Variants in KCNK2 observed in about 807,000 individuals in gnomAD.
The protein encoded by KCNK2 is potassium channel subfamily K member 2.
Under a neutral mutation model 40.5 loss-of-function variants are expected in KCNK2, and 21 were observed. The observed-to-expected ratio is 0.52, with a 90% CI of 0.37 to 0.75. The LOEUF (loss-of-function observed/expected upper bound fraction) is 0.75, where lower values mean the gene tolerates loss of function less well. KCNK2 is among the 30% of genes least tolerant of loss of function. The pLI is 0.00. For missense variants in KCNK2, 399 were observed against 531.6 expected, an observed-to-expected ratio of 0.75 and a Z score of 2.45; for synonymous variants, 191 against 202.2, an observed-to-expected ratio of 0.94 and a Z score of 0.47.
intron 3 of KCNK2, among the ~76,000 whole-genome samples, chr1:215,133,132 G>A (rs1250191284): frequency 6.6e-6 from 1 of 152,198 alleles, no homozygotes; most frequent in Non-Finnish European, 1.5e-5. Flanking sequence ...ATATTGGGTA[G>A]CAGCATCATA....
chr1:215,006,552 G>A (rs565133104), intron 1 of KCNK2, among the ~76,000 whole-genome samples: 3 of 152,106 alleles, frequency 2.0e-5, no homozygotes, highest in Non-Finnish European at 4.4e-5. Flanking sequence ...AAATTATTTA[G>A]ATGTCTCTAT....
In KCNK2 at chr1:215,030,490, G is replaced by A. The variant is rs192666555; in HGVS notation, c.34+24535G>A. On this transcript the variant is annotated intron_variant, in intron 1 of 6. Coordinates refer to the KCNK2 transcript ENST00000391895. ...AAAGTCATCACCAAAGCCACAGCCA[G>A]CCTGCTCAGTGTTTTAATGATAATA... is the stretch of plus-strand genomic sequence containing the variant. Among the ~76,000 whole-genome samples the A allele has an allele frequency of 4.5e-4, 69 of 151,950 alleles. No individual in the cohort carries two copies. In the East Asian group the frequency reaches 0.01, roughly 23 times the overall value.
rs76027383 is a variant in KCNK2, at chr1:215,223,873, T to C, written c.964-10955T>C. On this transcript the variant is annotated intron_variant, in intron 6 of 6. Transcript: ENST00000444842. ...AGCTCACAGGTAGTTGGGCAAAGTATGCTGGGTAAAAAAAAAACTGAAGCA... is the reference window on the plus strand; with the variant it reads ...AGCTCACAGGTAGTTGGGCAAAGTACGCTGGGTAAAAAAAAAACTGAAGCA... Among the ~76,000 whole-genome samples, 891 of 152,150 alleles carry C rather than the reference T, an allele frequency of 5.9e-3. 20 individuals carry two copies. In the South Asian group the frequency reaches 0.064, roughly 11 times the overall value.
At chr1:215,127,706 CTA>C (rs1661494650) in intron 3 of KCNK2, among the ~76,000 whole-genome samples, 2 of 152,170 alleles carry the variant, frequency 1.3e-5, no homozygotes, top group South Asian at 4.1e-4. Context: ...AATGCAAGCT[CTA>C]TGAAGTTAGG....
chr1:215,044,775 A>G (rs903666389), intron 1 of KCNK2, among the ~76,000 whole-genome samples: 1 of 150,272 alleles, frequency 6.7e-6, no homozygotes, highest in African/African-American at 2.5e-5. Flanking sequence ...TTCTATAACT[A>G]GGTACTTGGG....
intron 1 of KCNK2, among the ~76,000 whole-genome samples, chr1:215,077,276 C>G (rs527444385): frequency 2.8e-4 from 42 of 152,210 alleles, no homozygotes; most frequent in African/African-American, 1.0e-3. Context: ...GACATTTCAT[C>G]GAAGTACTGC....
intron 3 of KCNK2, among the ~76,000 whole-genome samples, chr1:215,162,955 T>A (rs1663272725): frequency 6.6e-6 from 1 of 152,128 alleles, no homozygotes; most frequent in Non-Finnish European, 1.5e-5. Flanking sequence ...TTTTTTCTAA[T>A]TCTGTGAAGA....
intron 1 of KCNK2, among the ~76,000 whole-genome samples, chr1:215,074,696 G>A (rs1347407980): frequency 3.3e-5 from 5 of 152,140 alleles, no homozygotes; most frequent in African/African-American, 1.2e-4. Context: ...TAATTGCTTT[G>A]CCTAGTATTG....
chr1:215,199,559 A>G (rs1343070180), intron 6 of KCNK2, among the ~76,000 whole-genome samples: 1 of 152,170 alleles, frequency 6.6e-6, no homozygotes, highest in Non-Finnish European at 1.5e-5. Context: ...TTTTCCATGG[A>G]AACATATGCA....
intron 2 of KCNK2, among the ~76,000 whole-genome samples, chr1:215,118,309 G>A (rs911606167): frequency 6.6e-6 from 1 of 152,128 alleles, no homozygotes; most frequent in Admixed American, 6.6e-5. Flanking sequence ...TTATTGATGG[G>A]TGATGATTAT....
At position 215,086,561 on chromosome 1, in the gene KCNK2, C is replaced by T. The variant is rs766127498; in HGVS notation, c.240C>T (p.Phe80=). ...ATCTGATCATCGGAGCCACCGTGTT[C>T]AAAGCATTGGAGCAGCCTCATGAGA... ...VLYLIIGATV[F]KALEQPHEIS... Residue 80 remains phenylalanine (F), a synonymous_variant, in exon 2 of 7, where the codon TTC becomes TTT. Coordinates refer to ENST00000444842, the MANE Select transcript of KCNK2 (RefSeq NM_001017425.3). 1.9e-6 allele frequency: 3 copies of T among 1,614,200 alleles called. No individual in the cohort carries two copies. The highest frequency in any genetic ancestry group is 2.5e-6 in the Non-Finnish European group (3 of 1,180,036).
intron 3 of KCNK2, among the ~76,000 whole-genome samples, chr1:215,142,667 A>G (rs757654134): frequency 5.9e-5 from 9 of 152,294 alleles, no homozygotes; most frequent in Admixed American, 2.6e-4. Flanking sequence ...GAGCAGGCTC[A>G]GTAGTGGAAT....
intron 6 of KCNK2, among the ~76,000 whole-genome samples, chr1:215,201,351 C>T (rs1273916007): frequency 1.3e-5 from 2 of 152,186 alleles, no homozygotes; most frequent in African/African-American, 4.8e-5. Flanking sequence ...GCTCCTGATG[C>T]ACCACTCTTG....
chr1:215,056,102 A>G (rs1176282507), intron 1 of KCNK2, among the ~76,000 whole-genome samples: 1 of 152,078 alleles, frequency 6.6e-6, no homozygotes, highest in Non-Finnish European at 1.5e-5. Context: ...TGAAGTCAGG[A>G]ATTCGAGACC....
At chr1:215,195,188 A>C (rs1664812003) in intron 6 of KCNK2, 96 bp downstream of exon 6, 3 of 995,408 alleles carry the variant, frequency 3.0e-6, no homozygotes, top group African/African-American at 1.7e-5. Context: ...ATATTTAAAC[A>C]TTTTAAAATG....
At chr1:215,183,223 T>C (rs1000452544) in intron 5 of KCNK2, among the ~76,000 whole-genome samples, 1 of 152,200 alleles carries the variant, frequency 6.6e-6, no homozygotes, top group African/African-American at 2.4e-5. Flanking sequence ...TTATTATTTT[T>C]AGTGGCACAA....
chr1:215,102,874 G>A (rs1191328783), intron 2 of KCNK2, among the ~76,000 whole-genome samples: 1 of 152,114 alleles, frequency 6.6e-6, no homozygotes, highest in East Asian at 1.9e-4. Flanking sequence ...TGGGTTTGTG[G>A]AGGTACACTC....
chr1:215,014,037 C>A (rs1272529651), intron 1 of KCNK2, among the ~76,000 whole-genome samples: 1 of 152,038 alleles, frequency 6.6e-6, no homozygotes, highest in Non-Finnish European at 1.5e-5. Context: ...CATGTGTTAG[C>A]TACAGTTTTT....
chr1:215,009,522 G>T (rs1656302715), intron 1 of KCNK2, among the ~76,000 whole-genome samples: 2 of 151,894 alleles, frequency 1.3e-5, no homozygotes, highest in Admixed American at 6.6e-5. Context: ...GCTGCATAAT[G>T]TGAATAATAA....
Sources: gnomAD v4.1 joint callset for allele counts (sites outside exome capture counted in the v4.1 genomes callset) on GRCh38, gnomAD v4.1.1 for gene constraint, MANE v1.5 for transcripts, NCBI Gene and HGNC (gene_info 2026-07-23, HGNC 2026-07-21) for gene names.